The following MON1A variants were observed in gnomAD, a reference collection of about 807,000 sequenced individuals.
The protein encoded by MON1A is MON1 vesicular trafficking associated A, also known as vacuolar fusion protein MON1 homolog A.
A neutral mutation model predicts 44.6 loss-of-function variants in MON1A; 29 were observed. The ratio of observed to expected loss-of-function variants is 0.65; its 90% confidence interval spans 0.48 to 0.89. MON1A has a LOEUF of 0.89. Ranked by LOEUF, MON1A falls within the 40% of genes least tolerant of loss-of-function variation. The probability of loss-of-function intolerance (pLI) is 0.00; values close to 1 mark genes in which losing one functional copy is unlikely to be tolerated. For synonymous variants in MON1A, 275 were observed against 316.4 expected (o/e 0.87, Z 1.39); for missense variants, 615 against 759.6 (o/e 0.81, Z 2.24).
chr3:49,923,327 G>T (rs904735376), intron 1 of MON1A, among the ~76,000 whole-genome samples: 3 of 139,330 alleles, frequency 2.2e-5, no homozygotes, highest in African/African-American at 7.7e-5. Flanking sequence ...GCGAGACTCT[G>T]GGAGGGAAGG....
chr3:49,909,117 G>T lies in MON1A; in HGVS notation c.1565C>A (p.Pro522His). The part of the protein sequence containing the change: ...GAFELYMCYS[P>H]LGTKASAVSA... ...GACGGCTGACGCCTTGGTCCCCAGGGGGCTGTAACACATGTAGAGCTCAAA... is the reference window on the plus strand; with the variant it reads ...GACGGCTGACGCCTTGGTCCCCAGGTGGCTGTAACACATGTAGAGCTCAAA... Residue 522 changes from proline (P) to histidine (H), a missense_variant, in exon 6 of 6, where the codon CCC becomes CAC. Coordinates refer to ENST00000296473, the MANE Select transcript of MON1A (RefSeq NM_032355.4). This position sits in a 1 kb window ranked among gnomAD's most constrained non-coding sequence, Gnocchi z 4.0. 3 of 1,613,312 alleles carry T rather than the reference G, an allele frequency of 1.9e-6. No individual in the cohort carries two copies. Among genetic ancestry groups the T allele is most frequent in the Non-Finnish European group, 2.5e-6 (3 of 1,179,468 alleles).
intron 1 of MON1A, among the ~76,000 whole-genome samples, chr3:49,921,645 T>G (rs1233046010): frequency 2.0e-5 from 3 of 149,854 alleles, no homozygotes; most frequent in Non-Finnish European, 3.0e-5. Flanking sequence ...GCACTTTTTT[T>G]TTTTTTTTTT....
At position 49,913,339 on chromosome 3, in the gene MON1A, G is replaced by A. The variant is rs772365836; in HGVS notation, c.8C>T (p.Thr3Ile). The A allele has an allele frequency of 6.2e-7, 1 of 1,611,972 alleles. No homozygotes were observed. The highest frequency in any genetic ancestry group is 8.5e-7 in the Non-Finnish European group (1 of 1,178,192). Residue 3 changes from threonine to isoleucine, a missense_variant, in exon 2 of 6, where the codon ACT (threonine) becomes ATT (isoleucine). Thr to Ile is a moderately conservative substitution (Grantham distance 89, BLOSUM62 -1). Transcript: ENST00000296473. Reference sequence around the variant, plus strand: ...GCTGCTTCTCTTCCTCTGCATGTCAGTAGCCATCCTTTGAGCTCTCCTGTG... The same window carrying A: ...GCTGCTTCTCTTCCTCTGCATGTCAATAGCCATCCTTTGAGCTCTCCTGTG... MA[T>I]DMQRKRSSEC...
Position 49,913,236 on chromosome 3 carries a change from G to A in MON1A, c.111C>T (p.Ala37=), listed in dbSNP as rs1320373070. ...ERAESPTPGM[A]QGMEPGAGQE... ...TGCCCATACCTGGCTCCATTCCCTG[G>A]GCCATTCCTGGTGTGGGGCTCTCAG... Residue 37 remains alanine, a synonymous_variant, in exon 2 of 6, where the codon GCC becomes GCT. Transcript: ENST00000296473. The A allele has an allele frequency of 1.9e-6, 3 of 1,614,192 alleles. No individual in the cohort carries two copies. Among genetic ancestry groups the A allele is most frequent in the Non-Finnish European group, 2.5e-6 (3 of 1,180,032 alleles).
chr3:49,929,662 C>G lies in MON1A; in HGVS notation c.-67G>C, dbSNP rs1203922276. ...AGAAGGTGCCGGTCACTGCCCTCTGCCGGACCCATGGAGGGGTAAGGGTGT... is the reference window on the plus strand; with the variant it reads ...AGAAGGTGCCGGTCACTGCCCTCTGGCGGACCCATGGAGGGGTAAGGGTGT... On this transcript the variant is annotated 5_prime_UTR_variant, in exon 1 of 6. Coordinates refer to ENST00000296473, the MANE Select transcript of MON1A (RefSeq NM_032355.4). 1.3e-6 allele frequency: 2 copies of G among 1,551,390 alleles called. No individual in the cohort carries two copies. The highest frequency in any genetic ancestry group is 4.9e-5 in the East Asian group (2 of 40,906).
chr3:49,913,922 T>C (rs1377498875), intron 1 of MON1A, among the ~76,000 whole-genome samples: 1 of 148,736 alleles, frequency 6.7e-6, no homozygotes, highest in Non-Finnish European at 1.5e-5. Flanking sequence ...TCTCGGCAGA[T>C]TGTTGTTGTT....
At chr3:49,929,512 T>A in intron 1 of MON1A, 97 bp downstream of exon 1, 1 of 1,382,506 alleles carries the variant, frequency 7.2e-7, no homozygotes, top group Non-Finnish European at 1.0e-6. Flanking sequence ...ATAGCGTTGA[T>A]GGCTGGAGGC....
chr3:49,911,006 G>T lies in MON1A; in HGVS notation c.614-122C>A. The T allele has an allele frequency of 1.0e-6, 1 of 969,640 alleles. No homozygotes were observed. The highest frequency in any genetic ancestry group is 1.7e-5 in the South Asian group (1 of 58,690). 60.1% of individuals were successfully genotyped at this position (969,640 alleles called of 1,614,324 possible). A position where few individuals can be genotyped will look rare whatever the true frequency, so the allele number is the denominator to read the frequency against. ...TCGCTCAGAGCTCTGCGCACAGTAG[G>T]GGTTTAAGGATGTTCAGGATAAAAA... is the stretch of plus-strand genomic sequence containing the variant. On this transcript the variant is annotated intron_variant, in intron 3 of 5. Coordinates refer to ENST00000296473, the MANE Select transcript of MON1A (RefSeq NM_032355.4). The surrounding 1 kb of genome is among the most constrained non-coding windows in gnomAD (Gnocchi z 5.7).
At position 49,909,293 on chromosome 3, in the gene MON1A, G is replaced by A; in HGVS notation, c.1487C>T (p.Thr496Ile). The A allele has an allele frequency of 6.2e-7, 1 of 1,614,004 alleles. No individual in the cohort carries two copies. The highest frequency in any genetic ancestry group is 8.5e-7 in the Non-Finnish European group (1 of 1,179,998). ...CTCGTTGGGGCCCGTGTAGTAAATG[G>A]TCTTGAGTGGGCGAGAGGCATTGTG... is the stretch of plus-strand genomic sequence containing the variant. The part of the protein sequence containing the change: ...RAHNASRPLK[T>I]IYYTGPNENL... Residue 496 changes from threonine (T) to isoleucine (I), a missense_variant, in exon 5 of 6, where the codon ACC becomes ATC. Thr to Ile is a moderately conservative substitution (Grantham distance 89). Transcript: ENST00000296473. This position sits in a 1 kb window ranked among gnomAD's most constrained non-coding sequence, Gnocchi z 4.0.
intron 1 of MON1A, chr3:49,929,240 A>C (rs1343324644): frequency 9.1e-6 from 3 of 329,818 alleles, no homozygotes; most frequent in Non-Finnish European, 1.1e-5. Flanking sequence ...CAAAGCAAAG[A>C]CCCAAGCCCC....
chr3:49,920,081 C>T (rs1559495176), intron 1 of MON1A, among the ~76,000 whole-genome samples: 1 of 152,212 alleles, frequency 6.6e-6, no homozygotes. Context: ...GTAGCCTCTC[C>T]ATTTCTCCCA....
At chr3:49,924,028 G>C (rs2083027210) in intron 1 of MON1A, 1 of 151,540 alleles carries the variant, frequency 6.6e-6, no homozygotes, top group South Asian at 2.1e-4. Context: ...GTTGCAGTGA[G>C]CCAAAATCGT....
intron 1 of MON1A, among the ~76,000 whole-genome samples, chr3:49,923,605 C>T (rs1390715843): frequency 6.6e-6 from 1 of 150,936 alleles, no homozygotes. Context: ...AGGCGTGTGC[C>T]ACCACATTGG....
chr3:49,921,142 G>A (rs142263271), intron 1 of MON1A, among the ~76,000 whole-genome samples: 2 of 151,786 alleles, frequency 1.3e-5, no homozygotes, highest in Admixed American at 1.3e-4. Flanking sequence ...GGCAATAAGA[G>A]TGAGACCCTG....
In MON1A at chr3:49,911,006, G is replaced by A. The variant is rs1334501064; in HGVS notation, c.614-122C>T. 3.1e-6 allele frequency: 3 copies of A among 969,522 alleles called. No individual in the cohort carries two copies. In the East Asian group the frequency reaches 7.8e-5, roughly 25 times the overall value. The allele number at this position is 969,522 out of a possible 1,614,324, so 60.1% of individuals were successfully genotyped here. A position where few individuals can be genotyped will look rare whatever the true frequency, so the allele number is the denominator to read the frequency against. On this transcript the variant is annotated intron_variant, in intron 3 of 5. Coordinates refer to ENST00000296473, the MANE Select transcript of MON1A (RefSeq NM_032355.4). The surrounding 1 kb of genome is among the most constrained non-coding windows in gnomAD (Gnocchi z 5.7). ...TCGCTCAGAGCTCTGCGCACAGTAG[G>A]GGTTTAAGGATGTTCAGGATAAAAA...
At chr3:49,929,283 T>C in intron 1 of MON1A, 1 of 422,140 alleles carries the variant, frequency 2.4e-6, no homozygotes. Flanking sequence ...CCCAGTTACC[T>C]CTGTTGCTTT....
intron 1 of MON1A, chr3:49,924,582 G>T: frequency 4.1e-6 from 1 of 244,958 alleles, no homozygotes; most frequent in Middle Eastern, 6.4e-4. Flanking sequence ...GGGAGGCTAA[G>T]GTATGAGAAT....
rs767241550 is a variant in MON1A at position 49,929,670 on chromosome 3, A to G, written c.-75T>C. On this transcript the variant is annotated 5_prime_UTR_variant, in exon 1 of 6. The change abolishes an upstream ATG in the 5' untranslated region. Transcript: ENST00000296473. ...CCGGTCACTGCCCTCTGCCGGACCC[A>G]TGGAGGGGTAAGGGTGTCCGGCCGG... is the stretch of plus-strand genomic sequence containing the variant. 4.5e-6 allele frequency: 7 copies of G among 1,551,174 alleles called. No homozygotes were observed. Among genetic ancestry groups the G allele is most frequent in the Admixed American group, 3.9e-5 (2 of 50,988 alleles).
Position 49,911,771 on chromosome 3 carries a change from G to A in MON1A, c.368C>T (p.Pro123Leu). Residue 123 changes from proline to leucine, a missense_variant, in exon 3 of 6, where the codon CCC (proline) becomes CTC (leucine). Transcript: ENST00000296473. This position sits in a 1 kb window ranked among gnomAD's most constrained non-coding sequence, Gnocchi z 5.7. ...GGCTGGTCGCCCAACTGCCCCTGGG[G>A]GTTCCAGCCAATCCTCAGAGCTTCC... ...LPGSSEDWLEPPGAVGRPATE... is the reference protein window; with the variant it reads ...LPGSSEDWLELPGAVGRPATE... The A allele has an allele frequency of 6.2e-7, 1 of 1,613,584 alleles. No homozygotes were observed. The highest frequency in any genetic ancestry group is 8.5e-7 in the Non-Finnish European group (1 of 1,179,824).
Sources: allele counts gnomAD v4.1 joint callset (sites outside exome capture counted in the v4.1 genomes callset), GRCh38; gene constraint gnomAD v4.1.1; non-coding constraint Gnocchi (gnomAD v3.1); transcripts MANE v1.5; gene names NCBI Gene and HGNC (gene_info 2026-07-23, HGNC 2026-07-21).